TAOK2: variants seen among roughly 807,000 people sequenced by gnomAD.
The protein encoded by TAOK2 is TAO kinase 2, also known as serine/threonine-protein kinase TAO2.
A neutral mutation model predicts 122.5 loss-of-function variants in TAOK2; 42 were observed. The observed-to-expected ratio is 0.34, with a 90% CI of 0.27 to 0.44. The LOEUF (loss-of-function observed/expected upper bound fraction) is 0.44. TAOK2 is among the 20% of genes least tolerant of loss of function. TAOK2 has a pLI of 1.00. For missense variants in TAOK2, 1,264 were observed against 1,644.9 expected (o/e 0.77, Z 4.01); for synonymous variants, 704 against 677.6 (o/e 1.04, Z -0.61).
downstream of TAOK2, chr16:29,989,561 C>T (rs746408299): frequency 3.1e-6 from 5 of 1,611,696 alleles, no homozygotes; most frequent in Non-Finnish European, 4.2e-6. Flanking sequence ...TCCCCGCTGC[C>T]CCCATCTCCC....
At chr16:29,989,552 C>G (rs764353205), downstream of TAOK2, 1 of 1,610,082 alleles carries the variant, frequency 6.2e-7, no homozygotes, top group African/African-American at 1.3e-5. Context: ...TCCTCCTCTT[C>G]CCCGCTGCCC....
rs770953476 is a variant in TAOK2, at chr16:29,982,803, G to A, written c.901G>A (p.Val301Met). ...CCTGATCCAGAGGACCAAGGATGCC[G>A]TGCGGGAGCTGGACAACCTGCAGTA... ...MDLIQRTKDA[V>M]RELDNLQYRK... Residue 301 changes from valine (V) to methionine (M), a missense_variant, in exon 11 of 16, where the codon GTG becomes ATG. Val to Met is a conservative substitution (Grantham distance 21). Around this residue, in one of 4 missense-constraint regions of TAOK2, gnomAD observed 254 missense variants for 503.8 expected, o/e 0.50. Transcript: ENST00000308893. The A allele has an allele frequency of 6.2e-7, 1 of 1,614,122 alleles. No individual in the cohort carries two copies. Among genetic ancestry groups the A allele is most frequent in the Non-Finnish European group, 8.5e-7 (1 of 1,179,982 alleles).
downstream of TAOK2, chr16:29,990,198 C>G (rs562884314): frequency 4.7e-6 from 1 of 211,640 alleles, no homozygotes; most frequent in East Asian, 1.1e-4. Flanking sequence ...AATGATCACA[C>G]CTAACACTGG....
At chr16:29,991,287 C>A, downstream of TAOK2, 1 of 1,611,890 alleles carries the variant, frequency 6.2e-7, no homozygotes, top group Non-Finnish European at 8.5e-7. This position sits in a 1 kb window ranked among gnomAD's most constrained non-coding sequence, Gnocchi z 5.6. Context: ...GAGCCATGGC[C>A]CTCCTCCACC....
Position 29,987,856 on chromosome 16 carries a change from C to T in TAOK2, c.3584C>T (p.Pro1195Leu), listed in dbSNP as rs1261415972. 6.2e-7 allele frequency: 1 copy of T among 1,610,324 alleles called. No individual in the cohort carries two copies. The highest frequency in any genetic ancestry group is 8.5e-7 in the Non-Finnish European group (1 of 1,179,350). The change falls in exon 16 of 16, where the codon CCC becomes CTC. Residue 1195 changes from proline to leucine, a missense_variant. Pro to Leu is a moderately conservative substitution (Grantham distance 98). This residue lies in a region of TAOK2 where 824 missense variants were observed against 908.7 expected (regional missense o/e 0.91). Transcript: ENST00000308893. ...LLRGERPTRIPRLLPRSQRQL... is the reference protein window; with the variant it reads ...LLRGERPTRILRLLPRSQRQL... The stretch of plus-strand genomic sequence containing the variant: ...CGGGGTGAACGGCCCACCCGAATCC[C>T]CCGGCTACTACCACGCAGCCAGCGC...
At chr16:29,983,747 G>T (rs2069696410) in intron 13 of TAOK2, 83 bp downstream of exon 13, 1 of 1,530,042 alleles carries the variant, frequency 6.5e-7, no homozygotes. Context: ...CCTCCCTGTG[G>T]CATGGGATTG....
In TAOK2 at chr16:29,988,259, G is replaced by T. The variant is rs575983462; in HGVS notation, c.*279G>T. The T allele has an allele frequency of 1.9e-4, 277 of 1,468,792 alleles. 1 individual carries two copies. The East Asian group carries it at 5.3e-3, about 28-fold the overall frequency. The allele number at this position is 1,468,792 out of a possible 1,614,324, so 91.0% of individuals were successfully genotyped here. A position where few individuals can be genotyped will look rare whatever the true frequency, so the allele number is the denominator to read the frequency against. The stretch of plus-strand genomic sequence containing the variant: ...CCTCATTGACTCAGGCCTGGGGCCA[G>T]GGGTGGTGGAGGGTGGGAAGAGTCA... On this transcript the variant is annotated 3_prime_UTR_variant, in exon 16 of 16. Coordinates refer to ENST00000308893, the MANE Select transcript of TAOK2 (RefSeq NM_016151.4).
chr16:29,986,329 C>T lies in TAOK2; in HGVS notation c.2057C>T (p.Ala686Val). Residue 686 changes from alanine (A) to valine (V), a missense_variant, in exon 16 of 16, where the codon GCC becomes GTC. By Grantham distance (64) the Ala-to-Val change is moderately conservative. Transcript: ENST00000308893. The surrounding 1 kb of genome is among the most constrained non-coding windows in gnomAD (Gnocchi z 4.2). The part of the protein sequence containing the change: ...ECALLLRQHE[A>V]TRELELRQLQ... ...GCACTGCTGCTTCGGCAGCACGAGG[C>T]CACGCGGGAGCTGGAGCTGCGGCAG... 2 of 1,572,508 alleles carry T rather than the reference C, an allele frequency of 1.3e-6. No homozygotes were observed. The highest frequency in any genetic ancestry group is 1.2e-5 in the South Asian group (1 of 86,602).
At chr16:29,982,191 G>A (rs2069639716) in intron 10 of TAOK2, among the ~76,000 whole-genome samples, 1 of 152,208 alleles carries the variant, frequency 6.6e-6, no homozygotes, top group South Asian at 2.1e-4. Context: ...GCCAGCCAGA[G>A]CTTCTGGTCA....
intron 11 of TAOK2, 77 bp downstream of exon 11, chr16:29,982,978 A>C (rs1015923418): frequency 1.2e-6 from 2 of 1,602,718 alleles, no homozygotes; most frequent in Non-Finnish European, 1.7e-6. Context: ...CCCCTTCCCC[A>C]GCCCTACTCA....
downstream of TAOK2, chr16:29,991,221 C>T (rs1348575328): frequency 3.1e-6 from 5 of 1,610,658 alleles, no homozygotes; most frequent in Admixed American, 6.7e-5. This position sits in a 1 kb window ranked among gnomAD's most constrained non-coding sequence, Gnocchi z 5.6. Context: ...CTATCCTGCT[C>T]CACCCCCTGC....
Position 29,977,880 on chromosome 16 carries a change from T to G in TAOK2, c.108T>G (p.His36Gln). The change falls in exon 2 of 16, where the codon CAT becomes CAG. Residue 36 changes from histidine (H) to glutamine (Q), a missense_variant. Physicochemically the swap from His to Gln is conservative, Grantham distance 24. This residue lies in a region of TAOK2 where 254 missense variants were observed against 503.8 expected (regional missense o/e 0.50). Transcript: ENST00000308893. Reference protein sequence around the residue: ...KLFSDLREIGHGSFGAVYFAR... With the variant: ...KLFSDLREIGQGSFGAVYFAR... ...TCTCTGACCTCCGGGAAATTGGCCA[T>G]GGCAGCTTTGGAGCCGTATACTTTG... 6.2e-7 allele frequency: 1 copy of G among 1,614,112 alleles called. No homozygotes were observed.
rs1299220336 is a variant in TAOK2, at chr16:29,986,688, G to A, written c.2416G>A (p.Gly806Arg). ...VGERRILGKE[G>R]ATLEPKQQRI... ...AGAGAGAAGGATTCTGGGAAAGGAA[G>A]GGGCCACTTTGGAGCCCAAGCAGCA... is the stretch of plus-strand genomic sequence containing the variant. Residue 806 changes from glycine (G) to arginine (R), a missense_variant, in exon 16 of 16, where the codon GGG becomes AGG. Transcript: ENST00000308893. This position sits in a 1 kb window ranked among gnomAD's most constrained non-coding sequence, Gnocchi z 4.2. 6.2e-7 allele frequency: 1 copy of A among 1,613,658 alleles called. No homozygotes were observed. The highest frequency in any genetic ancestry group is 1.3e-5 in the African/African-American group (1 of 74,896).
rs574703910 is a variant in TAOK2, at chr16:29,985,257, G to A, written c.1467G>A (p.Arg489=). 1 of 1,555,778 alleles carries A rather than the reference G, an allele frequency of 6.4e-7. No homozygotes were observed. Among genetic ancestry groups the A allele is most frequent in the Admixed American group, 1.9e-5 (1 of 52,464 alleles). Residue 489 remains arginine, a synonymous_variant, in exon 14 of 16, where the codon CGG becomes CGA. Transcript: ENST00000308893. The surrounding 1 kb of genome is among the most constrained non-coding windows in gnomAD (Gnocchi z 6.9). ...IQEHEQDSAL[R]EQLSGYKRMR... is the part of the protein sequence containing the mutation. Reference sequence around the variant, plus strand: ...AGCATGAGCAGGACTCTGCGCTGCGGGAGCAGCTGAGCGGCTATAAGCGGA... The same window carrying A: ...AGCATGAGCAGGACTCTGCGCTGCGAGAGCAGCTGAGCGGCTATAAGCGGA...
intron 13 of TAOK2, among the ~76,000 whole-genome samples, chr16:29,984,941 C>T (rs2069735510): frequency 6.6e-6 from 1 of 152,202 alleles, no homozygotes. Flanking sequence ...ATGTCTGACT[C>T]ACTGTTTCAA....
At chr16:29,982,343 AC>A (rs1014486284) in intron 10 of TAOK2, among the ~76,000 whole-genome samples, 1 of 152,118 alleles carries the variant, frequency 6.6e-6, no homozygotes, top group Non-Finnish European at 1.5e-5. Flanking sequence ...CCCTTCACAG[AC>A]CCATGGGGGC....
In TAOK2 at chr16:29,979,756, T is replaced by C. The variant is rs2069562041; in HGVS notation, c.655+248T>C. Among the ~76,000 whole-genome samples, 2 of 152,198 alleles carry C rather than the reference T, an allele frequency of 1.3e-5. No individual in the cohort carries two copies. Among genetic ancestry groups the C allele is most frequent in the African/African-American group, 4.8e-5 (2 of 41,452 alleles). ...CTGAATCTTTTCTTAGTGCCCACCA[T>C]GTGCTGTGCCATGGACTGTGATTCT... On this transcript the variant is annotated intron_variant, in intron 8 of 15. Transcript: ENST00000308893. This position sits in a 1 kb window ranked among gnomAD's most constrained non-coding sequence, Gnocchi z 4.1.
chr16:29,985,869 T>C lies in TAOK2; in HGVS notation c.1992+8T>C. 1 of 1,610,702 alleles carries C rather than the reference T, an allele frequency of 6.2e-7. No homozygotes were observed. Among genetic ancestry groups the C allele is most frequent in the Non-Finnish European group, 8.5e-7 (1 of 1,179,230 alleles). On this transcript the variant is annotated splice_region_variant and intron_variant, in intron 15 of 15. Coordinates refer to ENST00000308893, the MANE Select transcript of TAOK2 (RefSeq NM_016151.4). The surrounding 1 kb of genome is among the most constrained non-coding windows in gnomAD (Gnocchi z 6.9). ...CAGGACCTGCTGCGGGAGGTAGGCATCCCAATCTCTGTTCCCCTCCCGCTC... is the reference window on the plus strand; with the variant it reads ...CAGGACCTGCTGCGGGAGGTAGGCACCCCAATCTCTGTTCCCCTCCCGCTC...
downstream of TAOK2, chr16:29,992,192 C>T (rs1474052327): frequency 6.6e-6 from 1 of 151,776 alleles, no homozygotes; most frequent in African/African-American, 2.4e-5. Flanking sequence ...TCGTGGGAGC[C>T]CCTCTCAGCT....
Sources: allele counts gnomAD v4.1 joint callset (sites outside exome capture counted in the v4.1 genomes callset), GRCh38; gene constraint gnomAD v4.1.1; regional missense constraint gnomAD v4.1.1; non-coding constraint Gnocchi (gnomAD v3.1); transcripts MANE v1.5; gene names NCBI Gene and HGNC (gene_info 2026-07-23, HGNC 2026-07-21).